RGS22: variants seen among roughly 807,000 people sequenced by gnomAD.
RGS22 encodes regulator of G-protein signaling 22.
A neutral mutation model predicts 172.9 loss-of-function variants in RGS22; 148 were observed. The observed-to-expected ratio is 0.86, with a 90% CI of 0.75 to 0.98. RGS22 has a LOEUF of 0.98. Ranked by LOEUF, RGS22 falls within the 50% of genes least tolerant of loss-of-function variation. The pLI is 0.00. For synonymous variants in RGS22, 458 were observed against 480.2 expected, an observed-to-expected ratio of 0.95 and a Z score of 0.60; for missense variants, 1,347 against 1,440.8, an observed-to-expected ratio of 0.93 and a Z score of 1.05.
chr8:99,967,415 A>G (rs1290295657), intron 23 of RGS22, among the ~76,000 whole-genome samples: 11 of 151,728 alleles, frequency 7.2e-5, no homozygotes, highest in Non-Finnish European at 1.3e-4. Flanking sequence ...GGCTGAAGCC[A>G]TGGAGCCAAG....
At chr8:99,991,226 T>A (rs1204735723) in intron 20 of RGS22, among the ~76,000 whole-genome samples, 1 of 152,142 alleles carries the variant, frequency 6.6e-6, no homozygotes, top group African/African-American at 2.4e-5. Context: ...GGATCGCAGC[T>A]CCTCACCAGC....
At chr8:100,023,282 A>G (rs997410443) in intron 14 of RGS22, among the ~76,000 whole-genome samples, 3 of 152,174 alleles carry the variant, frequency 2.0e-5, no homozygotes, top group African/African-American at 7.2e-5. Flanking sequence ...CTCTCCATCA[A>G]AATCTTTCAG....
intron 4 of RGS22, among the ~76,000 whole-genome samples, chr8:100,075,187 G>A (rs1336309330): frequency 1.3e-5 from 2 of 152,158 alleles, no homozygotes; most frequent in Admixed American, 1.3e-4. Flanking sequence ...CATACTGAAT[G>A]TGATCCCCAA....
chr8:100,004,259 T>A (rs1330943323), intron 16 of RGS22, 161 bp from the exon 17 acceptor site: 11 of 451,690 alleles, frequency 2.4e-5, no homozygotes, highest in Non-Finnish European at 3.2e-5. Context: ...AAGAATCTGA[T>A]TCAGATTCTA....
chr8:99,991,029 G>A (rs187331660), intron 20 of RGS22, among the ~76,000 whole-genome samples: 88 of 152,294 alleles, frequency 5.8e-4, no homozygotes, highest in Middle Eastern at 6.8e-3. Context: ...GAACCTGACT[G>A]TTAGAAGGAA....
At chr8:100,016,336 T>C (rs2131417501) in intron 14 of RGS22, among the ~76,000 whole-genome samples, 1 of 151,410 alleles carries the variant, frequency 6.6e-6, no homozygotes, top group African/African-American at 2.4e-5. Context: ...AACTAAACGA[T>C]TGCACCTAAA....
chr8:100,008,043 A>AT (rs986333053), intron 15 of RGS22, among the ~76,000 whole-genome samples: 135 of 144,490 alleles, frequency 9.3e-4, no homozygotes, highest in African/African-American at 1.6e-3. Context: ...TTATTTTTTA[A>AT]TTTTTTTTTT....
At chr8:99,979,311 C>G (rs975991200) in intron 22 of RGS22, among the ~76,000 whole-genome samples, 13 of 152,030 alleles carry the variant, frequency 8.6e-5, no homozygotes, top group African/African-American at 3.1e-4. Context: ...AGAAGGCTTT[C>G]TAAGTAAAAG....
intron 6 of RGS22, among the ~76,000 whole-genome samples, chr8:100,070,506 C>T (rs1810885859): frequency 6.6e-6 from 1 of 152,118 alleles, no homozygotes; most frequent in Non-Finnish European, 1.5e-5. Context: ...TTTTCTCGGA[C>T]AGTTAATTTC....
rs535723339 is a variant in RGS22 at position 100,078,652 on chromosome 8, G to T, written c.339+1482C>A. Among the ~76,000 whole-genome samples, 23 of 151,724 alleles carry T rather than the reference G, an allele frequency of 1.5e-4. No homozygotes were observed. In the South Asian group the frequency reaches 4.8e-3, roughly 32 times the overall value. The stretch of plus-strand genomic sequence containing the variant: ...ATTTTTATTTTATTTTTGAAACAGG[G>T]TCTCACTCTGTTGGCTAGACTGGAA... On this transcript the variant is annotated intron_variant, in intron 4 of 27. Transcript: ENST00000360863.
chr8:100,092,544 G>A (rs1812663366), intron 3 of RGS22, among the ~76,000 whole-genome samples: 1 of 152,148 alleles, frequency 6.6e-6, no homozygotes, highest in South Asian at 2.1e-4. Context: ...CTTGTTTAAA[G>A]TTTGTTATAA....
intron 14 of RGS22, among the ~76,000 whole-genome samples, chr8:100,026,445 C>T (rs1818185122): frequency 6.6e-6 from 1 of 152,176 alleles, no homozygotes; most frequent in Non-Finnish European, 1.5e-5. Flanking sequence ...TTCTTTTTCT[C>T]TTGTGAAATT....
At position 99,963,055 on chromosome 8, in the gene RGS22, C is replaced by T. The variant is rs1810382293; in HGVS notation, c.3616-77G>A. ...AAACTGAAGATAAGATGTCTTCTATCAGCCTCTTCATTTAAATTTTTATTA... is the reference window on the plus strand; with the variant it reads ...AAACTGAAGATAAGATGTCTTCTATTAGCCTCTTCATTTAAATTTTTATTA... On this transcript the variant is annotated intron_variant, in intron 24 of 27. Coordinates refer to ENST00000360863, the MANE Select transcript of RGS22 (RefSeq NM_015668.5). 1.2e-5 allele frequency: 13 copies of T among 1,123,938 alleles called. No individual in the cohort carries two copies. In the South Asian group the frequency reaches 1.8e-4, roughly 15 times the overall value. 69.6% of individuals were successfully genotyped at this position (1,123,938 alleles called of 1,614,324 possible).
Position 100,003,980 on chromosome 8 carries a change from T to C in RGS22, c.2573A>G (p.Asn858Ser). ...YKHFKFSDLL[N>S]NKLEFEHFRQ... Reference sequence around the variant, plus strand: ...GAAATGTTCAAACTCCAGTTTGTTGTTAAGCAGATCACTAAACTTAAAATG... The same window carrying C: ...GAAATGTTCAAACTCCAGTTTGTTGCTAAGCAGATCACTAAACTTAAAATG... Residue 858 changes from asparagine (N) to serine (S), a missense_variant, in exon 17 of 28, where the codon AAC becomes AGC. Physicochemically the swap from Asn to Ser is conservative, Grantham distance 46. Coordinates refer to ENST00000360863, the MANE Select transcript of RGS22 (RefSeq NM_015668.5). 1.2e-6 allele frequency: 2 copies of C among 1,611,980 alleles called. No individual in the cohort carries two copies. The highest frequency in any genetic ancestry group is 1.7e-6 in the Non-Finnish European group (2 of 1,178,786).
intron 9 of RGS22, among the ~76,000 whole-genome samples, chr8:100,060,651 G>T (rs1433484574): frequency 6.6e-6 from 1 of 151,518 alleles, no homozygotes; most frequent in East Asian, 1.9e-4. Flanking sequence ...ACAAAACATT[G>T]CTCAAAGAAA....
rs574399994 is a variant in RGS22 at position 100,039,048 on chromosome 8, G to A, written c.2065-16C>T. ...TCTTCCACAACTACAGATGGAAAAA[G>A]TACATAAATTATTACCACCCAATTA... is the stretch of plus-strand genomic sequence containing the variant. On this transcript the variant is annotated splice_polypyrimidine_tract_variant and intron_variant, in intron 13 of 27. Transcript: ENST00000360863. The A allele has an allele frequency of 1.5e-5, 22 of 1,462,002 alleles. No individual in the cohort carries two copies. The highest frequency in any genetic ancestry group is 2.0e-5 in the Non-Finnish European group (21 of 1,054,926). The allele number at this position is 1,462,002 out of a possible 1,614,324, so 90.6% of individuals were successfully genotyped here.
At chr8:99,969,327 C>G (rs1450363687) in intron 23 of RGS22, among the ~76,000 whole-genome samples, 2 of 152,138 alleles carry the variant, frequency 1.3e-5, no homozygotes, top group Non-Finnish European at 2.9e-5. Context: ...GAAGAAACTG[C>G]ATCAAGTAAT....
chr8:100,058,855 T>C (rs748038208), intron 9 of RGS22, among the ~76,000 whole-genome samples: 4 of 152,096 alleles, frequency 2.6e-5, no homozygotes, highest in Non-Finnish European at 5.9e-5. Flanking sequence ...AAACACAGAA[T>C]ATTATAACAC....
chr8:100,082,865 T>C (rs1038350068), intron 3 of RGS22, among the ~76,000 whole-genome samples: 10 of 152,128 alleles, frequency 6.6e-5, no homozygotes, highest in African/African-American at 2.4e-4. Context: ...GTTTTACTAG[T>C]AAAGGCACAG....
Sources: gnomAD v4.1 joint callset for allele counts (sites outside exome capture counted in the v4.1 genomes callset) on GRCh38, gnomAD v4.1.1 for gene constraint, MANE v1.5 for transcripts, NCBI Gene and HGNC (gene_info 2026-07-23, HGNC 2026-07-21) for gene names.